SORT1: variants seen among roughly 807,000 people sequenced by gnomAD.
The protein encoded by SORT1 is sortilin.
A neutral mutation model predicts 101.7 loss-of-function variants in SORT1; 39 were observed. That is an observed-to-expected ratio of 0.38 (90% CI 0.30 to 0.50). The LOEUF is 0.50. Ranked by LOEUF, SORT1 falls within the 20% of genes least tolerant of loss-of-function variation. The pLI is 0.90. For synonymous variants in SORT1, 396 were observed against 393.7 expected (o/e 1.01, Z -0.07); for missense variants, 878 against 1,040.4 (o/e 0.84, Z 2.15).
chr1:109,346,313 A>AT (rs1453380025), intron 7 of SORT1, among the ~76,000 whole-genome samples: 5 of 147,062 alleles, frequency 3.4e-5, no homozygotes, highest in Non-Finnish European at 6.0e-5. Context: ...ACTCCGTCTC[A>AT]TAAAAAAAAA....
rs149226217 is a variant in SORT1, at chr1:109,325,051, G to A, written c.1682C>T (p.Thr561Met). 450 of 1,613,232 alleles carry A rather than the reference G, an allele frequency of 2.8e-4. No individual in the cohort carries two copies. In the African/African-American group the frequency reaches 5.7e-3, roughly 20 times the overall value. The stretch of plus-strand genomic sequence containing the variant: ...GAAATAGATGGGGTCCCTGGTGAAC[G>A]TGTAGGTTTGCCAGCATTGACCTTC... ...TDEGQCWQTYTFTRDPIYFTG... is the reference protein window; with the variant it reads ...TDEGQCWQTYMFTRDPIYFTG... The change falls in exon 14 of 20, where the codon ACG (threonine) becomes ATG (methionine). Residue 561 changes from threonine to methionine, a missense_variant. Transcript: ENST00000256637.
At chr1:109,328,634 TA>T (rs1376853250) in intron 11 of SORT1, among the ~76,000 whole-genome samples, 4 of 152,238 alleles carry the variant, frequency 2.6e-5, no homozygotes, top group African/African-American at 9.6e-5. Flanking sequence ...TGTACTACAA[TA>T]TCTGGAAGCA....
intron 1 of SORT1, among the ~76,000 whole-genome samples, chr1:109,389,332 C>T (rs1652769184): frequency 6.6e-6 from 1 of 152,190 alleles, no homozygotes; most frequent in African/African-American, 2.4e-5. Flanking sequence ...GTTGAGGGTA[C>T]TATGACCTTG....
intron 1 of SORT1, among the ~76,000 whole-genome samples, chr1:109,396,313 G>C (rs1480651421): frequency 6.6e-6 from 1 of 152,148 alleles, no homozygotes; most frequent in Non-Finnish European, 1.5e-5. Flanking sequence ...CTCAAGGAAG[G>C]AAGTGGTCCA....
At position 109,327,505 on chromosome 1, in the gene SORT1, C is replaced by A; in HGVS notation, c.1468G>T (p.Ala490Ser). Residue 490 changes from alanine to serine, a missense_variant, in exon 12 of 20, where the codon GCT becomes TCT. Around this residue, in one of 2 missense-constraint regions of SORT1, gnomAD observed 684 missense variants for 894.5 expected, o/e 0.76. Coordinates refer to ENST00000256637, the MANE Select transcript of SORT1 (RefSeq NM_002959.7). Reference sequence around the variant, plus strand: ...TGAGTGGGAGGTTCCTTACCATGAGCAATGACAATGCCTACGGCATTCGGC... The same window carrying A: ...TGAGTGGGAGGTTCCTTACCATGAGAAATGACAATGCCTACGGCATTCGGC... ...SEPNAVGIVI[A>S]HGSVGDAISV... is the part of the protein sequence containing the mutation. The A allele has an allele frequency of 6.3e-7, 1 of 1,598,588 alleles. No individual in the cohort carries two copies. Among genetic ancestry groups the A allele is most frequent in the South Asian group, 1.1e-5 (1 of 89,384 alleles).
chr1:109,325,181 C>T (rs1237931048), intron 13 of SORT1, 92 bp from the exon 14 acceptor site: 1 of 582,428 alleles, frequency 1.7e-6, no homozygotes. Flanking sequence ...CCAAACCAGA[C>T]AAAACCCCTT....
intron 11 of SORT1, among the ~76,000 whole-genome samples, chr1:109,332,588 G>T (rs949586526): frequency 1.1e-4 from 17 of 152,054 alleles, no homozygotes; most frequent in African/African-American, 3.6e-4. Flanking sequence ...AATTCCAATG[G>T]TATTTTTCAC....
At chr1:109,337,564 A>C (rs1648917616) in intron 10 of SORT1, among the ~76,000 whole-genome samples, 1 of 152,020 alleles carries the variant, frequency 6.6e-6, no homozygotes, top group Admixed American at 6.6e-5. Context: ...TTCTAAGAAA[A>C]AGCAAACAAG....
intron 3 of SORT1, among the ~76,000 whole-genome samples, chr1:109,363,228 C>G (rs1557811634): frequency 6.6e-6 from 1 of 152,104 alleles, no homozygotes; most frequent in East Asian, 1.9e-4. Flanking sequence ...AAGTTGGACT[C>G]AAGACATCAT....
At position 109,369,758 on chromosome 1, in the gene SORT1, A is replaced by C. The variant is rs533125545; in HGVS notation, c.307-169T>G. Among the ~76,000 whole-genome samples, 10 of 152,282 alleles carry C rather than the reference A, an allele frequency of 6.6e-5. No individual in the cohort carries two copies. In the South Asian group the frequency reaches 2.1e-3, roughly 32 times the overall value. On this transcript the variant is annotated intron_variant, in intron 1 of 19. Transcript: ENST00000256637. ...GGGAGGGATGGGATTTAACTACTTA[A>C]TGTGAATCACAAATAACTTGGAAAT... is the stretch of plus-strand genomic sequence containing the variant.
intron 1 of SORT1, among the ~76,000 whole-genome samples, chr1:109,396,413 G>A (rs1470032712): frequency 6.6e-6 from 1 of 152,116 alleles, no homozygotes; most frequent in Non-Finnish European, 1.5e-5. Context: ...CATCAAGTAG[G>A]AAGACTTCCC....
chr1:109,386,068 T>C (rs1448225374), intron 1 of SORT1, among the ~76,000 whole-genome samples: 3 of 152,232 alleles, frequency 2.0e-5, no homozygotes, highest in African/African-American at 7.2e-5. Flanking sequence ...TATATTAGTA[T>C]TATATATTAA....
At chr1:109,359,340 G>A (rs1276972487) in intron 3 of SORT1, among the ~76,000 whole-genome samples, 1 of 151,880 alleles carries the variant, frequency 6.6e-6, no homozygotes, top group Non-Finnish European at 1.5e-5. Context: ...TCGCACTAGG[G>A]GTTAAAATTT....
chr1:109,388,169 G>A (rs1652694680), intron 1 of SORT1, among the ~76,000 whole-genome samples: 1 of 151,922 alleles, frequency 6.6e-6, no homozygotes, highest in African/African-American at 2.4e-5. Context: ...CTGGGCTCAA[G>A]CTATCCTCCT....
chr1:109,331,954 A>C (rs560763063), intron 11 of SORT1, among the ~76,000 whole-genome samples: 66 of 151,678 alleles, frequency 4.4e-4, no homozygotes, highest in African/African-American at 1.4e-3. Context: ...AAAAAAAAAA[A>C]CAAAAAAAAC....
At chr1:109,314,163 T>TG in intron 19 of SORT1, 98 bp downstream of exon 19, 1 of 1,593,544 alleles carries the variant, frequency 6.3e-7, no homozygotes. Flanking sequence ...TAAGTCGCCT[T>TG]GGCCCTGGCA....
intron 15 of SORT1, among the ~76,000 whole-genome samples, chr1:109,318,451 G>T (rs1647394654): frequency 6.6e-6 from 1 of 152,046 alleles, no homozygotes; most frequent in South Asian, 2.1e-4. Context: ...TGCCCCGCCA[G>T]AGAGGGCCTT....
intron 11 of SORT1, among the ~76,000 whole-genome samples, chr1:109,333,824 C>A (rs1298497004): frequency 6.6e-6 from 1 of 152,204 alleles, no homozygotes; most frequent in East Asian, 1.9e-4. Flanking sequence ...AGCCATTATG[C>A]AATACCGTAA....
At chr1:109,385,551 T>G (rs1228632028) in intron 1 of SORT1, among the ~76,000 whole-genome samples, 3 of 152,228 alleles carry the variant, frequency 2.0e-5, no homozygotes, top group Non-Finnish European at 4.4e-5. Context: ...GACAGAGAGA[T>G]ATGCTCCAGT....
Sources: allele counts gnomAD v4.1 joint callset (sites outside exome capture counted in the v4.1 genomes callset), GRCh38; gene constraint gnomAD v4.1.1; regional missense constraint gnomAD v4.1.1; transcripts MANE v1.5; gene names NCBI Gene and HGNC (gene_info 2026-07-23, HGNC 2026-07-21).